SAFB: variants seen among roughly 807,000 people sequenced by gnomAD.
SAFB encodes scaffold attachment factor B1.
Under a neutral mutation model 101.6 loss-of-function variants are expected in SAFB, and 15 were observed. The ratio of observed to expected loss-of-function variants is 0.15; its 90% confidence interval spans 0.10 to 0.23. The LOEUF is 0.23. Among genes scored for constraint, SAFB ranks in the 10% least tolerant of loss-of-function variants. The pLI is 1.00. For synonymous variants in SAFB, 449 were observed against 407.5 expected (o/e 1.10, Z -1.23); for missense variants, 930 against 1,104.1 (o/e 0.84, Z 2.23).
In SAFB at chr19:5,658,352, G is replaced by A. The variant is rs547873289; in HGVS notation, c.1862+1005G>A. On this transcript the variant is annotated intron_variant, in intron 14 of 20. Transcript: ENST00000588852. Reference sequence around the variant, plus strand: ...AGAAGTAAACACAAACGTTATTGGCGAATTACAGCTAATTTATTTTTTCTA... The same window carrying A: ...AGAAGTAAACACAAACGTTATTGGCAAATTACAGCTAATTTATTTTTTCTA... Among the ~76,000 whole-genome samples the A allele has an allele frequency of 3.9e-5, 6 of 152,298 alleles. No homozygotes were observed. The East Asian group carries it at 5.8e-4, about 15-fold the overall frequency.
Position 5,661,436 on chromosome 19 carries a change from G to C in SAFB, c.1863-82G>C. 1.9e-6 allele frequency: 3 copies of C among 1,569,446 alleles called. No homozygotes were observed. In the South Asian group the frequency reaches 3.6e-5, roughly 19 times the overall value. ...GGACGCACAGCCCTGGAGTCTGTGC[G>C]ACCCAGCGTCTTACTTAAAGTCAGC... On this transcript the variant is annotated intron_variant, in intron 14 of 20. Transcript: ENST00000588852.
rs1386716329 is a variant in SAFB, at chr19:5,649,093, G to A, written c.742G>A (p.Val248Met). 2.2e-6 allele frequency: 1 copy of A among 452,488 alleles called. No homozygotes were observed. Among genetic ancestry groups the A allele is most frequent in the South Asian group, 2.2e-5 (1 of 45,310 alleles). 28.0% of individuals were successfully genotyped at this position (452,488 alleles called of 1,614,324 possible). The stretch of plus-strand genomic sequence containing the variant: ...GCCATTTGCACAGGACACAAGTAGC[G>A]TGGGGCCAGACAGAAAGCTTGCGGA... ...EQPFAQDTSS[V>M]GPDRKLAEEE... Residue 248 changes from valine to methionine, a missense_variant, in exon 7 of 21, where the codon GTG becomes ATG. By Grantham distance (21) the Val-to-Met change is conservative (BLOSUM62 1). Around this residue, in one of 7 missense-constraint regions of SAFB, gnomAD observed 130 missense variants for 114.2 expected, o/e 1.14. Coordinates refer to ENST00000588852, the MANE Select transcript of SAFB (RefSeq NM_001201338.2).
chr19:5,638,743 AGTCT>A (rs1204575565), intron 2 of SAFB, among the ~76,000 whole-genome samples: 12 of 133,390 alleles, frequency 9.0e-5, no homozygotes, highest in African/African-American at 3.4e-4. Flanking sequence ...TTTTAAAGAC[AGTCT>A]GTCTTGCTCT....
At chr19:5,637,666 C>CA (rs374931949) in intron 2 of SAFB, among the ~76,000 whole-genome samples, 26 of 149,472 alleles carry the variant, frequency 1.7e-4, no homozygotes, top group Non-Finnish European at 3.0e-4. Flanking sequence ...ACCCTGTCTC[C>CA]AAAAAAAAAT....
chr19:5,658,923 G>A (rs555916109), intron 14 of SAFB, among the ~76,000 whole-genome samples: 50 of 152,060 alleles, frequency 3.3e-4, no homozygotes, highest in African/African-American at 1.0e-3. Flanking sequence ...GAGGTGGGCG[G>A]ATCACAAGGT....
rs540203587 is a variant in SAFB, at chr19:5,644,066, G to T, written c.547-1271G>T. 3.3e-5 allele frequency among the ~76,000 whole-genome samples: 5 copies of T among 151,964 alleles called. No homozygotes were observed. In the East Asian group the frequency reaches 5.8e-4, roughly 18 times the overall value. On this transcript the variant is annotated intron_variant, in intron 4 of 20. Coordinates refer to ENST00000588852, the MANE Select transcript of SAFB (RefSeq NM_001201338.2). ...TGTTTTGTTTTGTTTTTGTTTTGGG[G>T]TTTTTTTGTTTTTGCTTTGTTTTGC...
rs184949266 is a variant in SAFB, at chr19:5,656,752, T to A, written c.1756-489T>A. On this transcript the variant is annotated intron_variant, in intron 13 of 20. Transcript: ENST00000588852. The stretch of plus-strand genomic sequence containing the variant: ...CCACCATGCCCAGCTAATTTTTATT[T>A]TTTATTTATTTATTTATTTTTATTT... Among the ~76,000 whole-genome samples the A allele has an allele frequency of 8.2e-4, 125 of 151,764 alleles. 1 individual carries two copies. Among genetic ancestry groups the A allele is most frequent in the African/African-American group, 2.9e-3 (121 of 41,462 alleles).
chr19:5,624,777 T>C (rs1251938782), intron 1 of SAFB, among the ~76,000 whole-genome samples: 1 of 149,738 alleles, frequency 6.7e-6, no homozygotes, highest in African/African-American at 2.5e-5. Flanking sequence ...TTTTAAAAGC[T>C]CAAGCTTGTG....
intron 14 of SAFB, 118 bp downstream of exon 14, chr19:5,657,465 C>T (rs2054089394): frequency 1.6e-6 from 1 of 637,334 alleles, no homozygotes; most frequent in Admixed American, 3.0e-5. Context: ...CTTTTTGCTC[C>T]TTCAGCTTTC....
At chr19:5,665,693 T>C (rs1489719388) in intron 17 of SAFB, 1 of 152,126 alleles carries the variant, frequency 6.6e-6, no homozygotes, top group Non-Finnish European at 1.5e-5. Context: ...CGCGGTTTGA[T>C]CCCTTCTCCT....
At chr19:5,660,173 C>G (rs1465443735) in intron 14 of SAFB, among the ~76,000 whole-genome samples, 1 of 152,082 alleles carries the variant, frequency 6.6e-6, no homozygotes, top group African/African-American at 2.4e-5. Context: ...TGCAGAGGAT[C>G]AAGTTTCTGA....
At chr19:5,632,551 A>C (rs2053512107) in intron 2 of SAFB, among the ~76,000 whole-genome samples, 1 of 152,212 alleles carries the variant, frequency 6.6e-6, no homozygotes, top group African/African-American at 2.4e-5. Flanking sequence ...TAACTCAGAC[A>C]AAAAATGTCC....
chr19:5,636,785 C>T (rs1041234311), intron 2 of SAFB, among the ~76,000 whole-genome samples: 4 of 151,792 alleles, frequency 2.6e-5, no homozygotes, highest in East Asian at 2.0e-4. Flanking sequence ...CTCAGCTCAC[C>T]GCAACCTCCA....
At chr19:5,648,509 T>C (rs2053871537) in intron 6 of SAFB, 2 of 287,816 alleles carry the variant, frequency 6.9e-6, no homozygotes, top group Non-Finnish European at 1.3e-5. Context: ...AGTGTCTTCA[T>C]GAGAATTCCA....
chr19:5,626,543 T>C (rs1246491927), intron 2 of SAFB, 54 bp downstream of exon 2: 1 of 1,037,752 alleles, frequency 9.6e-7, no homozygotes, highest in Non-Finnish European at 1.5e-6. Context: ...TCAAAACGAA[T>C]ACATTGCTAA....
Position 5,661,645 on chromosome 19 carries a change from A to T in SAFB, c.1990A>T (p.Met664Leu). 2 of 1,612,164 alleles carry T rather than the reference A, an allele frequency of 1.2e-6. No individual in the cohort carries two copies. The highest frequency in any genetic ancestry group is 1.7e-6 in the Non-Finnish European group (2 of 1,179,626). Residue 664 changes from methionine to leucine, a missense_variant, in exon 15 of 21, where the codon ATG becomes TTG. Met to Leu is a conservative substitution (Grantham distance 15, BLOSUM62 2). This residue lies in a region of SAFB where 159 missense variants were observed against 234.1 expected (regional missense o/e 0.68). Transcript: ENST00000588852. ...FQRQRLERER[M>L]ERERLERERM... is the part of the protein sequence containing the mutation. ...GCGCCAGCGGCTGGAGCGGGAGCGC[A>T]TGGAGCGGGAACGGCTGGAGCGCGA...
rs370281922 is a variant in SAFB, at chr19:5,654,501, G to A, written c.1755+45G>A. On this transcript the variant is annotated intron_variant, in intron 13 of 20. Coordinates refer to ENST00000588852, the MANE Select transcript of SAFB (RefSeq NM_001201338.2). Reference sequence around the variant, plus strand: ...CTAGGGTATTTTGCTCTTCTTTTCAGTTTGTATTTCTGTGTGCGTCTTAGG... The same window carrying A: ...CTAGGGTATTTTGCTCTTCTTTTCAATTTGTATTTCTGTGTGCGTCTTAGG... The A allele has an allele frequency of 5.2e-5, 61 of 1,162,544 alleles. No homozygotes were observed. In the African/African-American group the frequency reaches 7.9e-4, roughly 15 times the overall value. The allele number at this position is 1,162,544 out of a possible 1,614,324, so 72.0% of individuals were successfully genotyped here.
At position 5,623,244 on chromosome 19, in the gene SAFB, G is replaced by A. The variant is rs766782837; in HGVS notation, c.39G>A (p.Ala13=). 4.0e-5 allele frequency: 62 copies of A among 1,554,094 alleles called. No homozygotes were observed. The highest frequency in any genetic ancestry group is 5.2e-5 in the Non-Finnish European group (60 of 1,148,928). Residue 13 remains alanine, a synonymous_variant, in exon 1 of 21, where the codon GCG becomes GCA. Coordinates refer to ENST00000588852, the MANE Select transcript of SAFB (RefSeq NM_001201338.2). ...ETLSGLGDSG[A]AGAAALSSAS... is the part of the protein sequence containing the mutation. ...TGTCAGGCCTAGGTGATTCTGGAGC[G>A]GCGGGCGCGGCGGCTCTGAGCTCCG... is the stretch of plus-strand genomic sequence containing the variant.
rs1444228699 is a variant in SAFB at position 5,667,464 on chromosome 19, C to T, written c.2557+14C>T. 6.7e-7 allele frequency: 1 copy of T among 1,496,726 alleles called. No individual in the cohort carries two copies. The highest frequency in any genetic ancestry group is 1.4e-5 in the African/African-American group (1 of 70,302). The allele number at this position is 1,496,726 out of a possible 1,614,324, so 92.7% of individuals were successfully genotyped here. Reference sequence around the variant, plus strand: ...AGAGGTGGCAAGGTGAGGAGCAGCTCTGGGCTGGGACCAGGATGTGCTGGG... The same window carrying T: ...AGAGGTGGCAAGGTGAGGAGCAGCTTTGGGCTGGGACCAGGATGTGCTGGG... On this transcript the variant is annotated intron_variant, in intron 19 of 20. Coordinates refer to ENST00000588852, the MANE Select transcript of SAFB (RefSeq NM_001201338.2). This position sits in a 1 kb window ranked among gnomAD's most constrained non-coding sequence, Gnocchi z 4.0.
Sources: gnomAD v4.1 joint callset for allele counts (sites outside exome capture counted in the v4.1 genomes callset) on GRCh38, gnomAD v4.1.1 for gene constraint, gnomAD v4.1.1 regional missense constraint, Gnocchi (gnomAD v3.1) non-coding constraint, MANE v1.5 for transcripts, NCBI Gene and HGNC (gene_info 2026-07-23, HGNC 2026-07-21) for gene names.